Variants in DHRS3 observed in about 807,000 individuals in gnomAD.
DHRS3 encodes dehydrogenase/reductase 3.
In DHRS3, 14 loss-of-function variants were observed where a neutral mutation model predicts 27.2. The observed-to-expected ratio is 0.52, with a 90% confidence interval of 0.34 to 0.81. DHRS3 has a LOEUF of 0.81. Among genes scored for constraint, DHRS3 ranks in the 30% least tolerant of loss-of-function variants. The pLI is 0.01. For missense variants in DHRS3, 322 were observed against 406.2 expected, an observed-to-expected ratio of 0.79 and a Z score of 1.78; for synonymous variants, 165 against 175.9, an observed-to-expected ratio of 0.94 and a Z score of 0.49.
chr1:12,582,570 G>C (rs571022937), intron 1 of DHRS3, among the ~76,000 whole-genome samples: 12 of 152,240 alleles, frequency 7.9e-5, no homozygotes, highest in Non-Finnish European at 1.5e-4. Flanking sequence ...TGTTCCTCCA[G>C]GAGAAGCTGG....
chr1:12,597,231 C>T (rs933859925), intron 1 of DHRS3, among the ~76,000 whole-genome samples: 1 of 152,176 alleles, frequency 6.6e-6, no homozygotes, highest in Non-Finnish European at 1.5e-5. Context: ...CGCCCACCAC[C>T]GCACCTGGCT....
chr1:12,583,475 C>G (rs1250468450), intron 1 of DHRS3, among the ~76,000 whole-genome samples: 1 of 131,732 alleles, frequency 7.6e-6, no homozygotes, highest in African/African-American at 2.8e-5. Flanking sequence ...CATCCATCCA[C>G]CCATCCACTC....
At chr1:12,576,836 C>T (rs553517783) in intron 4 of DHRS3, among the ~76,000 whole-genome samples, 1 of 149,132 alleles carries the variant, frequency 6.7e-6, no homozygotes, top group South Asian at 2.2e-4. Context: ...AAAGCAGCAG[C>T]TCCTTATTGA....
intron 4 of DHRS3, among the ~76,000 whole-genome samples, chr1:12,577,056 C>A (rs1363721742): frequency 1.3e-5 from 2 of 151,898 alleles, no homozygotes; most frequent in African/African-American, 4.8e-5. Flanking sequence ...ACGTGGCATG[C>A]ACTACACTAA....
At position 12,597,268 on chromosome 1, in the gene DHRS3, G is replaced by A. The variant is rs192574615; in HGVS notation, c.196-16602C>T. 1.2e-3 allele frequency among the ~76,000 whole-genome samples: 178 copies of A among 152,264 alleles called. 1 individual carries two copies. In the East Asian group the frequency reaches 0.027, roughly 23 times the overall value. On this transcript the variant is annotated intron_variant, in intron 1 of 5. Coordinates refer to ENST00000616661, the MANE Select transcript of DHRS3 (RefSeq NM_004753.7). ...ATTTTTGTATTTTTAGTAGAGACAGGGTTTCACCATCTTGGCCAGGCTGGT... is the reference window on the plus strand; with the variant it reads ...ATTTTTGTATTTTTAGTAGAGACAGAGTTTCACCATCTTGGCCAGGCTGGT...
intron 1 of DHRS3, chr1:12,595,964 T>C (rs954023854): frequency 5.3e-5 from 8 of 152,054 alleles, no homozygotes; most frequent in African/African-American, 1.9e-4. Flanking sequence ...ACAGACGCCG[T>C]GATGTCACGG....
chr1:12,585,247 C>G (rs55692523), intron 1 of DHRS3, among the ~76,000 whole-genome samples: 6,582 of 139,542 alleles, frequency 0.047, 522 homozygotes, highest in African/African-American at 0.16. Flanking sequence ...GTGTGTGTCT[C>G]TGTGTCTCTG....
intron 4 of DHRS3, among the ~76,000 whole-genome samples, chr1:12,575,988 T>A (rs2100651259): frequency 6.6e-6 from 1 of 152,074 alleles, no homozygotes; most frequent in South Asian, 2.1e-4. Context: ...ATTACAGGCG[T>A]GAGCCACCGT....
intron 1 of DHRS3, among the ~76,000 whole-genome samples, chr1:12,596,530 G>T (rs1457591773): frequency 6.6e-6 from 1 of 152,146 alleles, no homozygotes; most frequent in East Asian, 1.9e-4. Context: ...CGAAGCAGGG[G>T]GCCTGTTTAT....
Position 12,586,625 on chromosome 1 carries a change from A to C in DHRS3, c.196-5959T>G, listed in dbSNP as rs889184645. ...CAAATGACAGTAAGTGGGATAAAGAATAAACAAGAAAACCTCATTTGCATC... is the reference window on the plus strand; with the variant it reads ...CAAATGACAGTAAGTGGGATAAAGACTAAACAAGAAAACCTCATTTGCATC... On this transcript the variant is annotated intron_variant, in intron 1 of 5. Transcript: ENST00000616661. The surrounding 1 kb of genome is among the most constrained non-coding windows in gnomAD (Gnocchi z 5.0). Among the ~76,000 whole-genome samples, 2 of 152,252 alleles carry C rather than the reference A, an allele frequency of 1.3e-5. No individual in the cohort carries two copies. The highest frequency in any genetic ancestry group is 2.9e-5 in the Non-Finnish European group (2 of 68,048).
At chr1:12,595,482 C>T (rs1646787863) in intron 1 of DHRS3, among the ~76,000 whole-genome samples, 1 of 67,140 alleles carries the variant, frequency 1.5e-5, no homozygotes, top group Admixed American at 2.1e-4. Context: ...TCCCAAGCGG[C>T]GGATGGGAAA....
chr1:12,600,199 C>CTG (rs762363489), intron 1 of DHRS3, among the ~76,000 whole-genome samples: 249 of 149,962 alleles, frequency 1.7e-3, no homozygotes, highest in East Asian at 0.012. Context: ...AACCGCACAT[C>CTG]TGTGTGTGTG....
intron 1 of DHRS3, among the ~76,000 whole-genome samples, chr1:12,610,902 C>T (rs765356521): frequency 5.3e-5 from 8 of 152,162 alleles, no homozygotes; most frequent in South Asian, 2.1e-4. Flanking sequence ...TAAGGGAGAA[C>T]GTGTAGGGTG....
intron 1 of DHRS3, among the ~76,000 whole-genome samples, chr1:12,609,921 A>G (rs1486806782): frequency 6.6e-6 from 1 of 151,800 alleles, no homozygotes; most frequent in African/African-American, 2.4e-5. Flanking sequence ...CTCCCTTCCC[A>G]CCATGCCCTC....
rs1267163979 is a variant in DHRS3, at chr1:12,617,572, CT to C, written c.-225del. 2.3e-6 allele frequency: 1 copy of C among 434,890 alleles called. No homozygotes were observed. The highest frequency in any genetic ancestry group is 2.1e-5 in the African/African-American group (1 of 47,000). The allele number at this position is 434,890 out of a possible 1,614,324, so 26.9% of individuals were successfully genotyped here. On this transcript the variant is annotated 5_prime_UTR_variant, in exon 1 of 6. Coordinates refer to ENST00000616661, the MANE Select transcript of DHRS3 (RefSeq NM_004753.7). ...TTCTCCTCTGGGGGAGAAAAAGCGTCTCCTAAGGTTGGGACGGTAAAAGAGG... is the reference window on the plus strand; with the variant it reads ...TTCTCCTCTGGGGGAGAAAAAGCGTCCCTAAGGTTGGGACGGTAAAAGAGG...
At chr1:12,600,334 G>T (rs1323988931) in intron 1 of DHRS3, 7 of 985,152 alleles carry the variant, frequency 7.1e-6, no homozygotes, top group Non-Finnish European at 7.2e-6. Context: ...GCCCTCGGAG[G>T]GCACCATGTG....
At position 12,617,960 on chromosome 1, in the gene DHRS3, T is replaced by C. The variant is rs1646957156; in HGVS notation, c.-612A>G. Among the ~76,000 whole-genome samples, 1 of 141,030 alleles carries C rather than the reference T, an allele frequency of 7.1e-6. No individual in the cohort carries two copies. Among genetic ancestry groups the C allele is most frequent in the Non-Finnish European group, 1.5e-5 (1 of 66,290 alleles). The allele number at this position is 141,030 out of a possible 152,430, so 92.5% of individuals were successfully genotyped here. ...CATTGCTATTCTTGGGCTCAGGAAA[T>C]TGCTTAAACGCGATCTGATTGCCAG... On this transcript the variant is annotated 5_prime_UTR_variant, in exon 1 of 6. Transcript: ENST00000616661.
chr1:12,587,384 T>G (rs1000006077), intron 1 of DHRS3, among the ~76,000 whole-genome samples: 2 of 152,020 alleles, frequency 1.3e-5, no homozygotes, highest in African/African-American at 4.8e-5. Context: ...GCTCAAGTGA[T>G]TCTCCCACCT....
intron 2 of DHRS3, chr1:12,580,314 C>G (rs1313557274): frequency 6.4e-6 from 4 of 628,782 alleles, no homozygotes; most frequent in Non-Finnish European, 1.1e-5. Context: ...TCCAAGGGAA[C>G]AACAGATGAT....
Sources: gnomAD v4.1 joint callset for allele counts (sites outside exome capture counted in the v4.1 genomes callset) on GRCh38, gnomAD v4.1.1 for gene constraint, Gnocchi (gnomAD v3.1) non-coding constraint, MANE v1.5 for transcripts, NCBI Gene and HGNC (gene_info 2026-07-23, HGNC 2026-07-21) for gene names.